The following LMBR1 variants were observed in gnomAD, a reference collection of about 807,000 sequenced individuals.
LMBR1 encodes the protein limb development membrane protein 1, also known as limb region 1 protein homolog.
Under a neutral mutation model 73.9 loss-of-function variants are expected in LMBR1, and 52 were observed. The ratio of observed to expected loss-of-function variants is 0.70; its 90% CI spans 0.56 to 0.89. The LOEUF (loss-of-function observed/expected upper bound fraction) is 0.89, where lower values mean the gene tolerates loss of function less well. Ranked by LOEUF, LMBR1 falls within the 40% of genes least tolerant of loss-of-function variation. The pLI is 0.00. For missense variants in LMBR1, 539 were observed against 579.8 expected (o/e 0.93, Z 0.72); for synonymous variants, 215 against 209.4 (o/e 1.03, Z -0.23).
intron 1 of LMBR1, among the ~76,000 whole-genome samples, chr7:156,887,035 G>C (rs1330377514): frequency 5.9e-5 from 9 of 152,156 alleles, no homozygotes. Flanking sequence ...TTCATAGCTA[G>C]CTCTCAAAAG....
At chr7:156,888,546 A>G (rs907534745) in intron 1 of LMBR1, among the ~76,000 whole-genome samples, 1 of 152,216 alleles carries the variant, frequency 6.6e-6, no homozygotes, top group Non-Finnish European at 1.5e-5. Context: ...AGCCAAAAAC[A>G]GAAACAACTC....
intron 9 of LMBR1, among the ~76,000 whole-genome samples, chr7:156,753,997 G>C (rs940506645): frequency 2.0e-5 from 3 of 151,864 alleles, no homozygotes; most frequent in Non-Finnish European, 4.4e-5. Flanking sequence ...ACTAGCCTAT[G>C]ATCTCGAGAC....
chr7:156,669,742 G>A lies in LMBR1; in HGVS notation n.867-455C>T, dbSNP rs1219977153. On this transcript the variant is annotated intron_variant and non_coding_transcript_variant, in intron 4 of 4. Coordinates refer to the LMBR1 transcript ENST00000430825. This position sits in a 1 kb window ranked among gnomAD's most constrained non-coding sequence, Gnocchi z 4.2. Reference sequence around the variant, plus strand: ...AGGGCTGGGACTCCCAGGGAGAAGGGGCCATGGCTGGGCCCCTCCAGCACA... The same window carrying A: ...AGGGCTGGGACTCCCAGGGAGAAGGAGCCATGGCTGGGCCCCTCCAGCACA... 2.0e-5 allele frequency among the ~76,000 whole-genome samples: 3 copies of A among 152,296 alleles called. No homozygotes were observed. Among genetic ancestry groups the A allele is most frequent in the African/African-American group, 7.2e-5 (3 of 41,568 alleles).
chr7:156,799,438 G>A (rs1830572945), intron 4 of LMBR1, among the ~76,000 whole-genome samples: 1 of 152,128 alleles, frequency 6.6e-6, no homozygotes, highest in Non-Finnish European at 1.5e-5. Context: ...TCTATGACCA[G>A]TGATCTTTGA....
chr7:156,875,015 G>A (rs1162074975), intron 1 of LMBR1, among the ~76,000 whole-genome samples: 2 of 152,148 alleles, frequency 1.3e-5, no homozygotes, highest in Non-Finnish European at 2.9e-5. Context: ...AGGTACCAGA[G>A]AAAGGTGAAG....
At chr7:156,866,626 G>C (rs1015653128) in intron 1 of LMBR1, among the ~76,000 whole-genome samples, 2 of 147,954 alleles carry the variant, frequency 1.4e-5, no homozygotes, top group African/African-American at 5.0e-5. Flanking sequence ...TTTTTAATGA[G>C]ACATAGTCTT....
chr7:156,715,347 C>T (rs1379910047), intron 15 of LMBR1, among the ~76,000 whole-genome samples: 1 of 152,040 alleles, frequency 6.6e-6, no homozygotes, highest in Non-Finnish European at 1.5e-5. Flanking sequence ...AAAAAAAATC[C>T]ACTTTCTGTC....
intron 9 of LMBR1, among the ~76,000 whole-genome samples, chr7:156,743,549 G>A (rs1349454558): frequency 1.3e-5 from 2 of 152,146 alleles, no homozygotes; most frequent in African/African-American, 2.4e-5. Context: ...GTGACATCAA[G>A]GGACTAAAAG....
intron 4 of LMBR1, among the ~76,000 whole-genome samples, chr7:156,803,304 G>A (rs55633929): frequency 0.44 from 65,415 of 149,762 alleles, 14,417 homozygotes; most frequent in East Asian, 0.6. Context: ...CAAATTTACA[G>A]GAAAAAAACA....
chr7:156,692,296 C>G (rs1319918745), intron 15 of LMBR1, among the ~76,000 whole-genome samples: 4 of 152,168 alleles, frequency 2.6e-5, no homozygotes, highest in African/African-American at 7.2e-5. Flanking sequence ...AGGCTGGTCT[C>G]AAACTCCTGA....
chr7:156,780,093 T>C (rs1039355065), intron 5 of LMBR1, among the ~76,000 whole-genome samples: 6 of 152,222 alleles, frequency 3.9e-5, no homozygotes, highest in Non-Finnish European at 7.3e-5. Context: ...ACGAAAAAGC[T>C]TTGGTCTCAC....
Position 156,681,186 on chromosome 7 carries a change from C to T in LMBR1, c.*2892G>A, listed in dbSNP as rs973782867. ...CTGTAAATGATGAAAACCTGTGTCC[C>T]TGGCAGACGAGGTCATCACTGAGGC... On this transcript the variant is annotated 3_prime_UTR_variant, in exon 17 of 17. Coordinates refer to ENST00000353442, the MANE Select transcript of LMBR1 (RefSeq NM_022458.4). 4.4e-6 allele frequency: 2 copies of T among 453,854 alleles called. 1 individual carries two copies. Among genetic ancestry groups the T allele is most frequent in the African/African-American group, 4.0e-5 (2 of 49,770 alleles). 28.1% of individuals were successfully genotyped at this position (453,854 alleles called of 1,614,324 possible).
chr7:156,722,184 A>C (rs1053280550), intron 15 of LMBR1, among the ~76,000 whole-genome samples: 1 of 152,092 alleles, frequency 6.6e-6, no homozygotes, highest in Non-Finnish European at 1.5e-5. Context: ...CTGCTGGCTG[A>C]TTTCACAGGA....
At chr7:156,761,066 GAA>G (rs1278583955) in intron 8 of LMBR1, among the ~76,000 whole-genome samples, 1 of 152,212 alleles carries the variant, frequency 6.6e-6, no homozygotes, top group Non-Finnish European at 1.5e-5. Flanking sequence ...GCCTTGAAGG[GAA>G]AGAGACAGTC....
intron 4 of LMBR1, among the ~76,000 whole-genome samples, chr7:156,817,375 A>T (rs954281607): frequency 3.3e-5 from 5 of 152,168 alleles, no homozygotes; most frequent in East Asian, 1.9e-4. Flanking sequence ...CAATTTACAC[A>T]ATTTTTAAAA....
intron 4 of LMBR1, among the ~76,000 whole-genome samples, chr7:156,806,597 G>GC (rs1563410344): frequency 1.4e-5 from 1 of 72,296 alleles, no homozygotes; most frequent in East Asian, 3.8e-4. Context: ...TTTTGTAGAT[G>GC]CTTTTTTTTT....
At chr7:156,741,146 A>C (rs1649461923) in intron 9 of LMBR1, among the ~76,000 whole-genome samples, 1 of 152,192 alleles carries the variant, frequency 6.6e-6, no homozygotes, top group Admixed American at 6.5e-5. Context: ...AAATTGAAGA[A>C]CATACAATGG....
At chr7:156,674,776 AAATT>A (rs1803432115), downstream of LMBR1, among the ~76,000 whole-genome samples, 1 of 152,266 alleles carries the variant, frequency 6.6e-6, no homozygotes, top group African/African-American at 2.4e-5. Flanking sequence ...TACAATATTA[AAATT>A]AATTTCACCT....
intron 4 of LMBR1, among the ~76,000 whole-genome samples, chr7:156,812,665 A>G (rs1833288845): frequency 6.6e-6 from 1 of 152,182 alleles, no homozygotes; most frequent in Non-Finnish European, 1.5e-5. Flanking sequence ...CTCTACACAG[A>G]GGGCCTTCAT....
Sources: gnomAD v4.1 joint callset for allele counts (sites outside exome capture counted in the v4.1 genomes callset) on GRCh38, gnomAD v4.1.1 for gene constraint, Gnocchi (gnomAD v3.1) non-coding constraint, MANE v1.5 for transcripts, NCBI Gene and HGNC (gene_info 2026-07-23, HGNC 2026-07-21) for gene names.